THAP6: variants seen among roughly 807,000 people sequenced by gnomAD.
The protein encoded by THAP6 is THAP domain-containing protein 6.
Under a neutral mutation model 20.0 loss-of-function variants are expected in THAP6, and 13 were observed. That is an observed-to-expected ratio of 0.65 (90% CI 0.42 to 1.03). The LOEUF is 1.03. Among genes scored for constraint, THAP6 ranks in the 50% least tolerant of loss-of-function variants. The pLI, the probability that THAP6 is intolerant of heterozygous loss-of-function variation, is 0.00. For missense variants in THAP6, 262 were observed against 261.6 expected, an observed-to-expected ratio of 1.00 and a Z score of -0.01; for synonymous variants, 93 against 92.2, an observed-to-expected ratio of 1.01 and a Z score of -0.05.
downstream of THAP6, chr4:75,530,110 A>C: frequency 1.0e-6 from 1 of 982,078 alleles, no homozygotes; most frequent in South Asian, 4.7e-5. Context: ...GTTTTGCTCT[A>C]ATTTCTCCTC....
chr4:75,524,863 C>A (rs1342885852), intron 4 of THAP6, among the ~76,000 whole-genome samples: 1 of 152,094 alleles, frequency 6.6e-6, no homozygotes, highest in Non-Finnish European at 1.5e-5. Flanking sequence ...TCAAGCAATC[C>A]CTCCACCTCA....
chr4:75,521,120 G>C (rs890516169), intron 3 of THAP6, among the ~76,000 whole-genome samples: 1 of 138,354 alleles, frequency 7.2e-6, no homozygotes, highest in East Asian at 2.2e-4. Context: ...TTCTAGTTAC[G>C]GCATGGGTTT....
At chr4:75,539,536 AAC>A (rs938505054) in intron 2 of THAP6, among the ~76,000 whole-genome samples, 39 of 152,204 alleles carry the variant, frequency 2.6e-4, no homozygotes, top group Non-Finnish European at 5.0e-4. Flanking sequence ...TACAAAATAG[AAC>A]ATAAGTTTGT....
At chr4:75,514,433 G>A, upstream of THAP6, 4 of 894,316 alleles carry the variant, frequency 4.5e-6, no homozygotes, top group South Asian at 2.1e-5. Flanking sequence ...CGGGGCAGAC[G>A]GATTTCCGGT....
rs972286160 is a variant in THAP6, at chr4:75,526,923, T to G, written c.415-37T>G. On this transcript the variant is annotated intron_variant, in intron 4 of 4. Transcript: ENST00000311638. ...TTATAAGCTTTTATCCAACTACATA[T>G]CTGTCTGATTTAATAACTTGGTGTT... 5 of 1,600,586 alleles carry G rather than the reference T, an allele frequency of 3.1e-6. No individual in the cohort carries two copies. The South Asian group carries it at 4.5e-5, about 14-fold the overall frequency.
Position 75,527,663 on chromosome 4 carries a change from A to G in THAP6, c.*449A>G. ...AAAGCACAATTCATTTGTAATGCAT[A>G]TCCATCTTGGATTCAATCCAAGGTG... On this transcript the variant is annotated 3_prime_UTR_variant, in exon 5 of 5. Coordinates refer to ENST00000311638, the MANE Select transcript of THAP6 (RefSeq NM_144721.6). 1.0e-6 allele frequency: 1 copy of G among 995,686 alleles called. No individual in the cohort carries two copies. Among genetic ancestry groups the G allele is most frequent in the Non-Finnish European group, 1.2e-6 (1 of 835,574 alleles). 61.7% of individuals were successfully genotyped at this position (995,686 alleles called of 1,614,324 possible).
downstream of THAP6, among the ~76,000 whole-genome samples, chr4:75,533,936 G>A (rs1160332424): frequency 1.3e-5 from 2 of 149,574 alleles, no homozygotes; most frequent in East Asian, 4.0e-4. Context: ...ACAGGCCCCA[G>A]TGTGTGATGT....
At chr4:75,518,182 T>C (rs901573681) in intron 3 of THAP6, among the ~76,000 whole-genome samples, 8 of 152,190 alleles carry the variant, frequency 5.3e-5, no homozygotes, top group Non-Finnish European at 4.4e-5. Flanking sequence ...TAAGGGGACC[T>C]TAAGAAATAT....
chr4:75,514,299 C>A, upstream of THAP6: 1 of 1,608,444 alleles, frequency 6.2e-7, no homozygotes. Flanking sequence ...CCTCCACCTC[C>A]CCTCACATTC....
In THAP6 at chr4:75,546,530, T is replaced by A. The variant is rs571169408; in HGVS notation, c.244-3075T>A. Among the ~76,000 whole-genome samples the A allele has an allele frequency of 1.4e-4, 22 of 152,332 alleles. No homozygotes were observed. In the South Asian group the frequency reaches 4.4e-3, roughly 30 times the overall value. Reference sequence around the variant, plus strand: ...CACTAAACCTGTCAAGCAACACATTTAAGCATGACAGAGAAAGAATATGGG... The same window carrying A: ...CACTAAACCTGTCAAGCAACACATTAAAGCATGACAGAGAAAGAATATGGG... On this transcript the variant is annotated intron_variant, in intron 3 of 4. Coordinates refer to the THAP6 transcript ENST00000502620.
At chr4:75,533,868 C>T (rs1021910404), downstream of THAP6, among the ~76,000 whole-genome samples, 6 of 152,004 alleles carry the variant, frequency 3.9e-5, no homozygotes, top group East Asian at 5.8e-4. Context: ...TCCATTAACT[C>T]GTCATTTACA....
rs542145018 is a variant in THAP6, at chr4:75,524,350, G to A, written c.414+2489G>A. Among the ~76,000 whole-genome samples the A allele has an allele frequency of 1.1e-4, 17 of 152,144 alleles. No homozygotes were observed. The South Asian group carries it at 3.5e-3, about 32-fold the overall frequency. On this transcript the variant is annotated intron_variant, in intron 4 of 4. Transcript: ENST00000311638. The stretch of plus-strand genomic sequence containing the variant: ...GTAAATTATTCTTTAAAGAGATTTA[G>A]ATAATAAGAAAAAAATTGATATTAT...
chr4:75,516,528 TCTTC>T (rs1725649874), intron 2 of THAP6, among the ~76,000 whole-genome samples: 1 of 152,234 alleles, frequency 6.6e-6, no homozygotes, highest in South Asian at 2.1e-4. Context: ...TTGAAACTTT[TCTTC>T]CTTATAATGT....
chr4:75,546,977 G>T (rs1287575623), intron 3 of THAP6, among the ~76,000 whole-genome samples: 1 of 152,208 alleles, frequency 6.6e-6, no homozygotes, highest in African/African-American at 2.4e-5. Context: ...ATTGCAGGGT[G>T]TGAGCAGGAG....
intron 2 of THAP6, 113 bp from the exon 3 acceptor site, chr4:75,516,659 G>A: frequency 1.2e-6 from 1 of 813,988 alleles, no homozygotes; most frequent in South Asian, 2.1e-5. Flanking sequence ...TAATTCTCAA[G>A]ACTAATAAAC....
chr4:75,530,732 T>C (rs751954466), downstream of THAP6, among the ~76,000 whole-genome samples: 25 of 152,214 alleles, frequency 1.6e-4, no homozygotes, highest in Non-Finnish European at 2.6e-4. Flanking sequence ...TGGAAAACCA[T>C]GCACCCAATG....
intron 2 of THAP6, chr4:75,539,735 G>C: frequency 7.1e-7 from 1 of 1,400,400 alleles, no homozygotes; most frequent in Non-Finnish European, 9.5e-7. Flanking sequence ...CACTTACAAA[G>C]TAGACAATAG....
At chr4:75,543,547 G>C (rs1727060217) in intron 3 of THAP6, among the ~76,000 whole-genome samples, 1 of 152,226 alleles carries the variant, frequency 6.6e-6, no homozygotes, top group Non-Finnish European at 1.5e-5. Context: ...GACTGAGTCT[G>C]ATTGAAATGG....
At chr4:75,514,589 G>A in intron 1 of THAP6, 69 bp downstream of exon 1, 1 of 282,286 alleles carries the variant, frequency 3.5e-6, no homozygotes, top group Non-Finnish European at 6.7e-6. Flanking sequence ...GTAGTTCGGC[G>A]CGAGGTTGGC....
Sources: allele counts gnomAD v4.1 joint callset (sites outside exome capture counted in the v4.1 genomes callset), GRCh38; gene constraint gnomAD v4.1.1; transcripts MANE v1.5; gene names NCBI Gene and HGNC (gene_info 2026-07-23, HGNC 2026-07-21).